The following LRRC37A2 variants were observed in gnomAD, a reference collection of about 807,000 sequenced individuals.
LRRC37A2 encodes leucine-rich repeat-containing protein 37A2.
In LRRC37A2, 9 loss-of-function variants were observed where a neutral mutation model predicts 68.8. That is an observed-to-expected ratio of 0.13 (90% CI 0.08 to 0.23). The LOEUF (loss-of-function observed/expected upper bound fraction) is 0.23, where lower values mean the gene tolerates loss of function less well. LRRC37A2 is among the 10% of genes least tolerant of loss of function. The pLI, the probability that LRRC37A2 is intolerant of heterozygous loss-of-function variation, is 1.00. For synonymous variants in LRRC37A2, 63 were observed against 367.6 expected (o/e 0.17, Z 9.48); for missense variants, 168 against 950.4 (o/e 0.18, Z 10.82).
At chr17:46,802,399 G>A in the LRRC37A2 span, among the ~76,000 whole-genome samples, 2 of 152,140 alleles carry the variant, frequency 1.3e-5, no homozygotes, top group Non-Finnish European at 2.9e-5. Flanking sequence ...CCCAGTAACT[G>A]GGATTACAGG....
chr17:46,838,157 G>T, the LRRC37A2 span, among the ~76,000 whole-genome samples: 1 of 152,042 alleles, frequency 6.6e-6, no homozygotes, highest in African/African-American at 2.4e-5. Flanking sequence ...TGTGTCACTG[G>T]CCCTACTGTT....
chr17:46,869,585 G>C, the LRRC37A2 span, among the ~76,000 whole-genome samples: 1 of 152,224 alleles, frequency 6.6e-6, no homozygotes, highest in Non-Finnish European at 1.5e-5. Flanking sequence ...TGGCTCCCAA[G>C]TGCAGCCTAG....
At chr17:46,690,565 T>C in the LRRC37A2 span, among the ~76,000 whole-genome samples, 1 of 86,940 alleles carries the variant, frequency 1.2e-5, no homozygotes, top group Non-Finnish European at 2.2e-5. Context: ...TGAGCCAAGA[T>C]CACGCCACTG....
the LRRC37A2 span, among the ~76,000 whole-genome samples, chr17:46,958,766 T>G: frequency 6.6e-6 from 1 of 152,162 alleles, no homozygotes; most frequent in African/African-American, 2.4e-5. Flanking sequence ...TCTGGGACAT[T>G]TAAGTCTGCC....
At chr17:46,915,614 A>G in the LRRC37A2 span, among the ~76,000 whole-genome samples, 108 of 152,244 alleles carry the variant, frequency 7.1e-4, 1 homozygote, top group Non-Finnish European at 1.2e-3. Flanking sequence ...GCCCCAGGCC[A>G]GATTCTCAGG....
the LRRC37A2 span, chr17:46,930,667 TA>T: frequency 0.3 from 44,112 of 146,510 alleles, 6,750 homozygotes; most frequent in South Asian, 0.45. Flanking sequence ...TTTTTTTAAA[TA>T]AAAAAAAAAA....
At chr17:46,996,405 T>A in the LRRC37A2 span, among the ~76,000 whole-genome samples, 2 of 152,126 alleles carry the variant, frequency 1.3e-5, no homozygotes, top group Non-Finnish European at 2.9e-5. Context: ...CTCAAGGAAT[T>A]TTCAGGAGTT....
At chr17:46,807,248 C>T in the LRRC37A2 span, among the ~76,000 whole-genome samples, 1 of 152,266 alleles carries the variant, frequency 6.6e-6, no homozygotes, top group South Asian at 2.1e-4. Context: ...TTTGGGAGGC[C>T]GAGGCAGGTG....
the LRRC37A2 span, among the ~76,000 whole-genome samples, chr17:46,856,442 C>G: frequency 6.6e-6 from 1 of 151,974 alleles, no homozygotes; most frequent in East Asian, 1.9e-4. Context: ...TCTTTATTTT[C>G]CCCCCAAATC....
chr17:46,895,675 T>A, the LRRC37A2 span, among the ~76,000 whole-genome samples: 14 of 152,236 alleles, frequency 9.2e-5, no homozygotes, highest in Non-Finnish European at 1.9e-4. Flanking sequence ...ATAATTGATT[T>A]AACCAGTCCT....
chr17:46,817,633 GC>G, the LRRC37A2 span, among the ~76,000 whole-genome samples: 5 of 146,264 alleles, frequency 3.4e-5, no homozygotes, highest in African/African-American at 1.0e-4. Context: ...GACACGCACA[GC>G]CCCCCCCAAG....
the LRRC37A2 span, among the ~76,000 whole-genome samples, chr17:46,499,831 TTAAA>T: frequency 1.8e-5 from 1 of 56,532 alleles, no homozygotes; most frequent in South Asian, 5.4e-4. Context: ...GAGAAATTAA[TTAAA>T]TAACAGATTA....
the LRRC37A2 span, among the ~76,000 whole-genome samples, chr17:46,962,328 C>CAAAAAA: frequency 2.9e-5 from 4 of 139,352 alleles, no homozygotes; most frequent in Non-Finnish European, 6.2e-5. Flanking sequence ...GACTCCATCT[C>CAAAAAA]AAAAAAAAAA....
chr17:46,756,074 C>A, the LRRC37A2 span: 1 of 453,336 alleles, frequency 2.2e-6, no homozygotes, highest in Non-Finnish European at 3.9e-6. Context: ...TAAAGTGATT[C>A]CTTCTTGCTC....
At chr17:46,771,775 G>A in the LRRC37A2 span, among the ~76,000 whole-genome samples, 215 of 142,880 alleles carry the variant, frequency 1.5e-3, 3 homozygotes, top group African/African-American at 5.0e-3. Flanking sequence ...GCCGCGCCGC[G>A]CCGCGCCGCG....
the LRRC37A2 span, among the ~76,000 whole-genome samples, chr17:46,878,582 C>A: frequency 6.6e-6 from 1 of 152,242 alleles, no homozygotes; most frequent in Non-Finnish European, 1.5e-5. Context: ...TTTCTCCTTT[C>A]TTCCACTTCC....
the LRRC37A2 span, among the ~76,000 whole-genome samples, chr17:46,779,735 A>T: frequency 2.0e-5 from 3 of 151,254 alleles, no homozygotes; most frequent in Admixed American, 2.0e-4. Flanking sequence ...GGAGGCCTGC[A>T]TGGTGAGCAC....
chr17:46,730,297 CTT>C, the LRRC37A2 span, among the ~76,000 whole-genome samples: 2 of 152,086 alleles, frequency 1.3e-5, no homozygotes, highest in African/African-American at 2.4e-5. Flanking sequence ...AAATTTATCT[CTT>C]AAAATAGTTC....
At chr17:47,049,067 G>A in the LRRC37A2 span, 1 of 646,122 alleles carries the variant, frequency 1.5e-6, no homozygotes, top group African/African-American at 1.8e-5. Context: ...TTTAGGATTG[G>A]GTGTGTGTGT....
Sources: gnomAD v4.1 joint callset for allele counts (sites outside exome capture counted in the v4.1 genomes callset) on GRCh38, gnomAD v4.1.1 for gene constraint, MANE v1.5 for transcripts, NCBI Gene and HGNC (gene_info 2026-07-23, HGNC 2026-07-21) for gene names.